SH3PXD2B: variants seen among roughly 807,000 people sequenced by gnomAD.
SH3PXD2B encodes the protein SH3 and PX domains 2B, also known as SH3 and PX domain-containing protein 2B.
Under a neutral mutation model 73.1 loss-of-function variants are expected in SH3PXD2B, and 37 were observed. That is an observed-to-expected ratio of 0.51 (90% CI 0.39 to 0.67). SH3PXD2B has a LOEUF of 0.67. Ranked by LOEUF, SH3PXD2B falls within the 30% of genes least tolerant of loss-of-function variation. The pLI, the probability that SH3PXD2B is intolerant of heterozygous loss-of-function variation, is 0.00. For synonymous variants in SH3PXD2B, 457 were observed against 480.5 expected (o/e 0.95, Z 0.64); for missense variants, 1,053 against 1,197.8 (o/e 0.88, Z 1.78).
At chr5:172,358,289 T>C (rs1364706984) in intron 8 of SH3PXD2B, among the ~76,000 whole-genome samples, 4 of 152,158 alleles carry the variant, frequency 2.6e-5, no homozygotes, top group African/African-American at 4.8e-5. Context: ...AGGACATGCA[T>C]AGGGAAGGTT....
At chr5:172,428,235 G>C (rs899659727) in intron 1 of SH3PXD2B, among the ~76,000 whole-genome samples, 1 of 152,126 alleles carries the variant, frequency 6.6e-6, no homozygotes, top group African/African-American at 2.4e-5. Context: ...TGAAGTCTTG[G>C]TTGTAAGGAA....
intron 5 of SH3PXD2B, among the ~76,000 whole-genome samples, chr5:172,379,679 C>A (rs1479790510): frequency 1.3e-5 from 2 of 152,196 alleles, no homozygotes; most frequent in Non-Finnish European, 2.9e-5. Context: ...ACTTCCTGAG[C>A]AGCTGGCAAA....
Position 172,354,122 on chromosome 5 carries a change from A to AC in SH3PXD2B, c.668-118dup, listed in dbSNP as rs11402887. 6,487 of 995,700 alleles carry AC rather than the reference A, an allele frequency of 6.5e-3. 138 individuals are homozygous for AC. Among genetic ancestry groups the AC allele is most frequent in the African/African-American group, 0.065 (4,045 of 62,554 alleles). The allele number at this position is 995,700 out of a possible 1,614,324, so 61.7% of individuals were successfully genotyped here. A position where few individuals can be genotyped will look rare whatever the true frequency, so the allele number is the denominator to read the frequency against. ...GGATTTCCTTCAGAGATTTCTGGGC[A>AC]CCCCCCCTGGCCCTGACCTAGCCCT... On this transcript the variant is annotated intron_variant, in intron 8 of 12. Coordinates refer to ENST00000311601, the MANE Select transcript of SH3PXD2B (RefSeq NM_001017995.3).
chr5:172,382,935 G>A (rs183894739), intron 4 of SH3PXD2B, among the ~76,000 whole-genome samples: 58 of 150,828 alleles, frequency 3.8e-4, no homozygotes, highest in Admixed American at 1.8e-3. Context: ...ACAGGGTTTC[G>A]GCATGTTGGC....
At position 172,335,541 on chromosome 5, in the gene SH3PXD2B, T is replaced by A; in HGVS notation, c.*2828A>T. ...TCACTATAGATCAGGGCTGGTCCTA[T>A]CCGCCTCACAGGCTTGCCGTAAGGA... On this transcript the variant is annotated 3_prime_UTR_variant, in exon 13 of 13. Coordinates refer to ENST00000311601, the MANE Select transcript of SH3PXD2B (RefSeq NM_001017995.3). 1.5e-5 allele frequency: 18 copies of A among 1,231,758 alleles called. No homozygotes were observed. Among genetic ancestry groups the A allele is most frequent in the Non-Finnish European group, 1.8e-5 (18 of 987,964 alleles). The allele number at this position is 1,231,758 out of a possible 1,614,324, so 76.3% of individuals were successfully genotyped here. A position where few individuals can be genotyped will look rare whatever the true frequency, so the allele number is the denominator to read the frequency against.
At chr5:172,380,723 C>T (rs1466614611) in intron 5 of SH3PXD2B, among the ~76,000 whole-genome samples, 1 of 152,142 alleles carries the variant, frequency 6.6e-6, no homozygotes, top group Non-Finnish European at 1.5e-5. Flanking sequence ...TAAGGCATTC[C>T]CTTGTGACAT....
At chr5:172,428,656 G>A (rs1388195620) in intron 1 of SH3PXD2B, among the ~76,000 whole-genome samples, 2 of 152,184 alleles carry the variant, frequency 1.3e-5, no homozygotes, top group Non-Finnish European at 2.9e-5. Context: ...CTAGCCTCAT[G>A]GATAGAGGGA....
In SH3PXD2B at chr5:172,416,630, CTTTTTTTT is replaced by C. The variant is rs144781943; in HGVS notation, c.156+5778_156+5785del. On this transcript the variant is annotated intron_variant, in intron 2 of 12. Coordinates refer to ENST00000311601, the MANE Select transcript of SH3PXD2B (RefSeq NM_001017995.3). ...CGTGAGCCACTGCGCCCGGCCTCTA[CTTTTTTTT>C]TTTTTTTTTTTAAAAAGGACCTTTT... Among the ~76,000 whole-genome samples the C allele has an allele frequency of 1.5e-4, 17 of 111,062 alleles. No homozygotes were observed. The East Asian group carries it at 3.6e-3, about 23-fold the overall frequency. The allele number at this position is 111,062 out of a possible 152,430, so 72.9% of individuals were successfully genotyped here. A position where few individuals can be genotyped will look rare whatever the true frequency, so the allele number is the denominator to read the frequency against.
intron 4 of SH3PXD2B, among the ~76,000 whole-genome samples, chr5:172,391,390 T>G (rs978294938): frequency 6.6e-6 from 1 of 152,246 alleles, no homozygotes; most frequent in Non-Finnish European, 1.5e-5. Context: ...ATTGAGTTCT[T>G]GGTGTATGTT....
chr5:172,345,461 T>C (rs1756974361), intron 12 of SH3PXD2B, among the ~76,000 whole-genome samples: 1 of 152,204 alleles, frequency 6.6e-6, no homozygotes, highest in Non-Finnish European at 1.5e-5. Flanking sequence ...CTCTTACACA[T>C]GACAGAGTGA....
intron 6 of SH3PXD2B, among the ~76,000 whole-genome samples, chr5:172,372,587 G>GT (rs140004232): frequency 0.042 from 6,344 of 152,244 alleles, 209 homozygotes; most frequent in South Asian, 0.2. Context: ...TGTATTTTAA[G>GT]TAACAGTAGT....
chr5:172,374,144 C>A (rs1209277430), intron 5 of SH3PXD2B, among the ~76,000 whole-genome samples: 1 of 152,152 alleles, frequency 6.6e-6, no homozygotes, highest in Non-Finnish European at 1.5e-5. Context: ...CTGATGCCTA[C>A]CTCATCAGGC....
At chr5:172,350,808 C>T (rs1387716509) in intron 9 of SH3PXD2B, among the ~76,000 whole-genome samples, 2 of 152,216 alleles carry the variant, frequency 1.3e-5, no homozygotes, top group Non-Finnish European at 2.9e-5. Context: ...CCTCTACTTG[C>T]CCCTCTTACA....
At chr5:172,383,654 G>A (rs1451572665) in intron 4 of SH3PXD2B, among the ~76,000 whole-genome samples, 2 of 152,204 alleles carry the variant, frequency 1.3e-5, no homozygotes, top group Non-Finnish European at 2.9e-5. Context: ...GAACACGTGT[G>A]CATATGCATG....
At chr5:172,433,074 G>GT (rs1759292430) in intron 1 of SH3PXD2B, among the ~76,000 whole-genome samples, 1 of 152,020 alleles carries the variant, frequency 6.6e-6, no homozygotes, top group Non-Finnish European at 1.5e-5. Flanking sequence ...TTATAACACA[G>GT]TATTTTTACA....
At chr5:172,391,918 T>C (rs893358307) in intron 4 of SH3PXD2B, among the ~76,000 whole-genome samples, 2 of 152,226 alleles carry the variant, frequency 1.3e-5, no homozygotes, top group Admixed American at 6.5e-5. Flanking sequence ...GTTTCTCCTA[T>C]GTTTTCTTCT....
At chr5:172,404,315 TA>T (rs147059612) in intron 3 of SH3PXD2B, among the ~76,000 whole-genome samples, 9 of 144,930 alleles carry the variant, frequency 6.2e-5, no homozygotes, top group Admixed American at 1.4e-4. Flanking sequence ...TATATATATA[TA>T]TTTTTTTTTG....
rs1581256337 is a variant in SH3PXD2B, at chr5:172,336,114, A to C, written c.*2255T>G. The C allele has an allele frequency of 4.0e-6, 4 of 987,870 alleles. No homozygotes were observed. Among genetic ancestry groups the C allele is most frequent in the Non-Finnish European group, 4.8e-6 (4 of 831,748 alleles). The allele number at this position is 987,870 out of a possible 1,614,324, so 61.2% of individuals were successfully genotyped here. On this transcript the variant is annotated 3_prime_UTR_variant, in exon 13 of 13. Coordinates refer to ENST00000311601, the MANE Select transcript of SH3PXD2B (RefSeq NM_001017995.3). ...TCCAGCCAGGGATGGAGCCACACAC[A>C]TCCCAGTCTACTCAGCACCTAGCAC...
At chr5:172,395,655 A>ATATC (rs1758276357) in intron 3 of SH3PXD2B, among the ~76,000 whole-genome samples, 1 of 152,240 alleles carries the variant, frequency 6.6e-6, no homozygotes, top group Admixed American at 6.5e-5. Context: ...TCTTGGGGAG[A>ATATC]TAGTGGCGAA....
Sources: allele counts gnomAD v4.1 joint callset (sites outside exome capture counted in the v4.1 genomes callset), GRCh38; gene constraint gnomAD v4.1.1; transcripts MANE v1.5; gene names NCBI Gene and HGNC (gene_info 2026-07-23, HGNC 2026-07-21).